The following BABAM2 variants were observed in gnomAD, a reference collection of about 807,000 sequenced individuals.
BABAM2 encodes the protein BRISC and BRCA1-A complex member 2.
Under a neutral mutation model 54.7 loss-of-function variants are expected in BABAM2, and 31 were observed. The ratio of observed to expected loss-of-function variants is 0.57; its 90% confidence interval spans 0.43 to 0.77. The LOEUF is 0.77. BABAM2 is among the 30% of genes least tolerant of loss of function. The pLI is 0.00. For missense variants in BABAM2, 364 were observed against 455.8 expected, an observed-to-expected ratio of 0.80 and a Z score of 1.83; for synonymous variants, 167 against 162.9, an observed-to-expected ratio of 1.03 and a Z score of -0.19.
intron 6 of BABAM2, among the ~76,000 whole-genome samples, chr2:28,079,247 G>C (rs1450229365): frequency 6.6e-6 from 1 of 152,030 alleles, no homozygotes; most frequent in African/African-American, 2.4e-5. Flanking sequence ...AAAGGTAAGG[G>C]GCTACACAGG....
intron 9 of BABAM2, among the ~76,000 whole-genome samples, chr2:28,242,299 G>T (rs116703368): frequency 6.6e-6 from 1 of 152,298 alleles, no homozygotes; most frequent in African/African-American, 2.4e-5. Flanking sequence ...GCACCGATAG[G>T]GGAGAGGGAA....
chr2:27,895,129 C>G (rs1665186469), intron 2 of BABAM2: 1 of 153,232 alleles, frequency 6.5e-6, no homozygotes, highest in South Asian at 2.1e-4. Context: ...AGATCTCACA[C>G]CTAGAAATGT....
rs35450423 is a variant in BABAM2, at chr2:28,267,438, TACACAC to T, written c.934+22599_934+22604del. ...TACACTGACTAGACACACACACACA[TACACAC>T]ACACACACACACACACACACACTTT... On this transcript the variant is annotated intron_variant, in intron 10 of 11. Coordinates refer to ENST00000379624, the MANE Select transcript of BABAM2 (RefSeq NM_199191.3). Among the ~76,000 whole-genome samples the T allele has an allele frequency of 2.6e-3, 363 of 141,828 alleles. 1 individual carries two copies. The highest frequency in any genetic ancestry group is 0.012 in the South Asian group (55 of 4,494). 93.0% of individuals were successfully genotyped at this position (141,828 alleles called of 152,430 possible). A position where few individuals can be genotyped will look rare whatever the true frequency, so the allele number is the denominator to read the frequency against.
intron 2 of BABAM2, among the ~76,000 whole-genome samples, chr2:27,927,307 T>G (rs886173776): frequency 1.1e-4 from 16 of 152,244 alleles, no homozygotes; most frequent in Admixed American, 9.2e-4. Context: ...AGGTTAATCC[T>G]GACGATTTCC....
chr2:28,204,305 A>C (rs1452803040), intron 7 of BABAM2, among the ~76,000 whole-genome samples: 1 of 152,190 alleles, frequency 6.6e-6, no homozygotes, highest in Non-Finnish European at 1.5e-5. Flanking sequence ...TTGTATTTGC[A>C]TTAAGCTAGA....
intron 3 of BABAM2, among the ~76,000 whole-genome samples, chr2:27,952,747 G>A (rs973748886): frequency 1.3e-5 from 2 of 152,100 alleles, no homozygotes; most frequent in African/African-American, 2.4e-5. Flanking sequence ...AGCATTATCC[G>A]ACCACTGATC....
chr2:28,165,621 G>A (rs1044813455), intron 7 of BABAM2, among the ~76,000 whole-genome samples: 108 of 129,132 alleles, frequency 8.4e-4, no homozygotes, highest in Middle Eastern at 5.8e-3. Flanking sequence ...TGCAACCTCC[G>A]CTTCCTGGGT....
At position 28,282,997 on chromosome 2, in the gene BABAM2, C is replaced by CAAAA. The variant is rs370484850; in HGVS notation, c.935-15323_935-15320dup. Among the ~76,000 whole-genome samples, 711 of 71,846 alleles carry CAAAA rather than the reference C, an allele frequency of 9.9e-3. 7 individuals are homozygous for CAAAA. The highest frequency in any genetic ancestry group is 0.041 in the African/African-American group (673 of 16,444). 47.1% of individuals were successfully genotyped at this position (71,846 alleles called of 152,430 possible). A position where few individuals can be genotyped will look rare whatever the true frequency, so the allele number is the denominator to read the frequency against. On this transcript the variant is annotated intron_variant, in intron 10 of 11. Transcript: ENST00000379624. The stretch of plus-strand genomic sequence containing the variant: ...CAGGCAGCAGAGCGAGACTCCGTCC[C>CAAAA]AAAAAAAAAAAAAAAAAAAAAGGAA...
intron 3 of BABAM2, among the ~76,000 whole-genome samples, chr2:27,936,636 A>C (rs1668505531): frequency 6.6e-6 from 1 of 152,230 alleles, no homozygotes; most frequent in Admixed American, 6.5e-5. Flanking sequence ...TGATGAGTTC[A>C]TGTCCTTTGT....
chr2:28,254,571 A>G (rs184638946), intron 10 of BABAM2, among the ~76,000 whole-genome samples: 25 of 152,176 alleles, frequency 1.6e-4, no homozygotes, highest in African/African-American at 5.3e-4. Flanking sequence ...AGAAAGAAAA[A>G]TATAGTGAAC....
rs112441915 is a variant in BABAM2 at position 28,298,390 on chromosome 2, C to T, written c.987C>T (p.Ser329=). ...PRDQPTLTFQ[S]VYHFTNSGQL... ...ACCAGCCAACTCTCACATTTCAGTC[C>T]GTTTATCACTTTACCAACAGTGGAC... Residue 329 remains serine (S), a synonymous_variant, in exon 11 of 12, where the codon TCC becomes TCT. Coordinates refer to ENST00000379624, the MANE Select transcript of BABAM2 (RefSeq NM_199191.3). 1.2e-3 allele frequency: 1,891 copies of T among 1,614,046 alleles called. No homozygotes were observed. The highest frequency in any genetic ancestry group is 2.3e-3 in the Admixed American group (136 of 60,012).
Position 27,936,983 on chromosome 2 carries a change from G to A in BABAM2, c.205+7075G>A, listed in dbSNP as rs190676885. ...AAATAAATTAAAAAAAATAAAATCA[G>A]GTATTATCATTTTATTTTAGACATA... On this transcript the variant is annotated intron_variant, in intron 3 of 11. Coordinates refer to ENST00000379624, the MANE Select transcript of BABAM2 (RefSeq NM_199191.3). 2.6e-5 allele frequency among the ~76,000 whole-genome samples: 4 copies of A among 151,566 alleles called. No individual in the cohort carries two copies. In the East Asian group the frequency reaches 7.8e-4, roughly 29 times the overall value.
intron 3 of BABAM2, among the ~76,000 whole-genome samples, chr2:27,978,726 A>T (rs1671775483): frequency 6.6e-6 from 1 of 152,118 alleles, no homozygotes; most frequent in African/African-American, 2.4e-5. Context: ...GGTGTACAAA[A>T]GATTTAGTCA....
intron 10 of BABAM2, among the ~76,000 whole-genome samples, chr2:28,263,141 A>G (rs1324311154): frequency 2.7e-5 from 4 of 149,540 alleles, no homozygotes; most frequent in Non-Finnish European, 5.9e-5. Context: ...CAAAAAAAAA[A>G]AAAAAAGAAG....
chr2:28,103,974 A>G (rs553380620), intron 6 of BABAM2, among the ~76,000 whole-genome samples: 1 of 152,064 alleles, frequency 6.6e-6, no homozygotes, highest in Non-Finnish European at 1.5e-5. Context: ...CATAAACTCA[A>G]TAAACTCATT....
At chr2:28,292,150 G>A (rs1191933553) in intron 10 of BABAM2, among the ~76,000 whole-genome samples, 1 of 152,166 alleles carries the variant, frequency 6.6e-6, no homozygotes, top group Non-Finnish European at 1.5e-5. Context: ...CAAGATATGG[G>A]GGAAAGCGCA....
At chr2:28,055,618 C>A (rs912798523) in intron 6 of BABAM2, among the ~76,000 whole-genome samples, 15 of 152,124 alleles carry the variant, frequency 9.9e-5, no homozygotes, top group African/African-American at 3.1e-4. Context: ...CAGGTAGTTT[C>A]TTGGAAAAAA....
In BABAM2 at chr2:28,322,193, GCTA is replaced by G. The variant is rs1690077997; in HGVS notation, c.1089-16256_1089-16254del. Among the ~76,000 whole-genome samples the G allele has an allele frequency of 6.6e-6, 1 of 152,072 alleles. No individual in the cohort carries two copies. Among genetic ancestry groups the G allele is most frequent in the Non-Finnish European group, 1.5e-5 (1 of 68,016 alleles). ...AGTAGTCTGGAGTGCTGCATGTAAA[GCTA>G]GGCACTCCCCAGTGATGGAGCTTCC... On this transcript the variant is annotated intron_variant, in intron 11 of 11. Transcript: ENST00000379624. The surrounding 1 kb of genome is among the most constrained non-coding windows in gnomAD (Gnocchi z 4.1).
At chr2:28,124,576 G>A (rs1042083557) in intron 6 of BABAM2, among the ~76,000 whole-genome samples, 1 of 152,094 alleles carries the variant, frequency 6.6e-6, no homozygotes, top group Non-Finnish European at 1.5e-5. Flanking sequence ...TGTAAAGTAG[G>A]TTCCTGAAAA....
Sources: allele counts gnomAD v4.1 joint callset (sites outside exome capture counted in the v4.1 genomes callset), GRCh38; gene constraint gnomAD v4.1.1; non-coding constraint Gnocchi (gnomAD v3.1); transcripts MANE v1.5; gene names NCBI Gene and HGNC (gene_info 2026-07-23, HGNC 2026-07-21).